The following MLPH variants were observed in gnomAD, a reference collection of about 807,000 sequenced individuals.
The protein encoded by MLPH is exophilin-3.
In MLPH, 51 loss-of-function variants were observed where a neutral mutation model predicts 72.1. That is an observed-to-expected ratio of 0.71 (90% CI 0.56 to 0.89). MLPH has a LOEUF of 0.89. Among genes scored for constraint, MLPH ranks in the 40% least tolerant of loss-of-function variants. The pLI is 0.00. For missense variants in MLPH, 743 were observed against 759.9 expected, an observed-to-expected ratio of 0.98 and a Z score of 0.26; for synonymous variants, 301 against 310.1, an observed-to-expected ratio of 0.97 and a Z score of 0.31.
At chr2:237,516,226 G>A (rs1007647638) in intron 4 of MLPH, among the ~76,000 whole-genome samples, 19 of 152,352 alleles carry the variant, frequency 1.2e-4, no homozygotes, top group Middle Eastern at 3.4e-3. Flanking sequence ...GATGGTCCAC[G>A]GGGCCTGCTG....
intron 9 of MLPH, among the ~76,000 whole-genome samples, chr2:237,538,882 CA>C (rs2080598974): frequency 2.0e-5 from 3 of 152,206 alleles, no homozygotes; most frequent in Admixed American, 2.0e-4. Context: ...ACATTTCAAA[CA>C]GGACAGTCAG....
chr2:237,530,020 G>A (rs1293263925), intron 8 of MLPH, among the ~76,000 whole-genome samples: 2 of 152,252 alleles, frequency 1.3e-5, no homozygotes, highest in Non-Finnish European at 2.9e-5. Flanking sequence ...TCAAGGGGCA[G>A]GCGAGGTGGG....
chr2:237,508,466 C>T (rs1284207868), intron 2 of MLPH, among the ~76,000 whole-genome samples: 2 of 152,154 alleles, frequency 1.3e-5, no homozygotes, highest in Non-Finnish European at 2.9e-5. Flanking sequence ...GGCCCACTGC[C>T]CTGACTCGTG....
chr2:237,507,062 CTT>C (rs61091364), intron 2 of MLPH, among the ~76,000 whole-genome samples: 33 of 94,526 alleles, frequency 3.5e-4, no homozygotes, highest in African/African-American at 1.1e-3. Flanking sequence ...TTTTTTTTTT[CTT>C]TTTTTTTTTT....
At position 237,541,880 on chromosome 2, in the gene MLPH, C is replaced by T. The variant is rs1013380305; in HGVS notation, c.1447-687C>T. On this transcript the variant is annotated intron_variant, in intron 11 of 15. Coordinates refer to ENST00000264605, the MANE Select transcript of MLPH (RefSeq NM_024101.7). The surrounding 1 kb of genome is among the most constrained non-coding windows in gnomAD (Gnocchi z 5.1). ...TCGGGGCAGGGCGATTGAGATAAGG[C>T]AGTCAGGAGGGATACTAGGAAAGTA... 1.3e-5 allele frequency among the ~76,000 whole-genome samples: 2 copies of T among 152,214 alleles called. No homozygotes were observed. Among genetic ancestry groups the T allele is most frequent in the Admixed American group, 1.3e-4 (2 of 15,286 alleles).
intron 4 of MLPH, among the ~76,000 whole-genome samples, chr2:237,516,937 A>ATGGATGGATGGATGGATGGATGGATAGG (rs2080041294): frequency 1.4e-5 from 2 of 145,278 alleles, no homozygotes; most frequent in African/African-American, 5.5e-5. Context: ...GGATGGATGG[A>ATGGATGGATGGATGGATGGATGGATAGG]TGGATAGGTG....
At chr2:237,511,266 GCTT>G in intron 4 of MLPH, 165 bp downstream of exon 4, 1 of 530,330 alleles carries the variant, frequency 1.9e-6, no homozygotes, top group Non-Finnish European at 3.2e-6. Context: ...GCTTCTGGCT[GCTT>G]TTTTTTTTTT....
intron 5 of MLPH, among the ~76,000 whole-genome samples, chr2:237,519,027 G>A (rs943893876): frequency 1.8e-4 from 27 of 152,300 alleles, no homozygotes; most frequent in Admixed American, 5.2e-4. Flanking sequence ...TCAGAGAAGT[G>A]GACCCCTCAG....
chr2:237,525,617 C>A lies in MLPH; in HGVS notation c.692C>A (p.Ser231Tyr). The A allele has an allele frequency of 6.2e-7, 1 of 1,614,104 alleles. No homozygotes were observed. The highest frequency in any genetic ancestry group is 8.5e-7 in the Non-Finnish European group (1 of 1,180,028). The change falls in exon 7 of 16, where the codon TCC becomes TAC. Residue 231 changes from serine to tyrosine, a missense_variant. Coordinates refer to ENST00000264605, the MANE Select transcript of MLPH (RefSeq NM_024101.7). ...RDSPQSLTDE[S>Y]CSEKAAPHKA... ...TGTGCTTAGTCCCTCACAGATGAGT[C>A]CTGCTCAGAGAAGGCAGCCCCTCAC...
chr2:237,490,088 T>G (rs1037714148), intron 1 of MLPH, among the ~76,000 whole-genome samples: 3 of 152,118 alleles, frequency 2.0e-5, no homozygotes, highest in African/African-American at 7.2e-5. Context: ...TGAGCAGGCG[T>G]TATCTAAACA....
chr2:237,547,862 G>A (rs1417614358), intron 13 of MLPH, among the ~76,000 whole-genome samples: 1 of 152,044 alleles, frequency 6.6e-6, no homozygotes, highest in African/African-American at 2.4e-5. Flanking sequence ...CCGTGTTCAG[G>A]TGGAGTGGTT....
Position 237,552,132 on chromosome 2 carries a change from A to G in MLPH, c.1676-205A>G, listed in dbSNP as rs75288463. The stretch of plus-strand genomic sequence containing the variant: ...AGAATGTTAATGCCAGTGCCAGAGC[A>G]AAGGAGAAAGAAGTTGGCAAAACTG... On this transcript the variant is annotated intron_variant, in intron 14 of 15. Coordinates refer to ENST00000264605, the MANE Select transcript of MLPH (RefSeq NM_024101.7). 464 of 547,316 alleles carry G rather than the reference A, an allele frequency of 8.5e-4. 2 individuals carry two copies. Among genetic ancestry groups the G allele is most frequent in the African/African-American group, 7.4e-3 (393 of 52,918 alleles). The allele number at this position is 547,316 out of a possible 1,614,324, so 33.9% of individuals were successfully genotyped here. A position where few individuals can be genotyped will look rare whatever the true frequency, so the allele number is the denominator to read the frequency against.
chr2:237,526,642 G>T (rs1259137414), intron 7 of MLPH, among the ~76,000 whole-genome samples: 1 of 152,204 alleles, frequency 6.6e-6, no homozygotes, highest in Non-Finnish European at 1.5e-5. Context: ...CAGTCTGGGG[G>T]AGAGGCCATC....
intron 1 of MLPH, among the ~76,000 whole-genome samples, chr2:237,489,988 G>A (rs988725754): frequency 6.6e-6 from 1 of 152,194 alleles, no homozygotes; most frequent in African/African-American, 2.4e-5. Flanking sequence ...CAACTGCTGG[G>A]GAAGGCTGGC....
intron 2 of MLPH, among the ~76,000 whole-genome samples, chr2:237,495,353 T>C (rs912267126): frequency 6.6e-6 from 1 of 152,168 alleles, no homozygotes; most frequent in African/African-American, 2.4e-5. Flanking sequence ...GACTAGAACA[T>C]GAATGCCTTG....
intron 4 of MLPH, among the ~76,000 whole-genome samples, chr2:237,517,729 GTGGA>G (rs58864368): frequency 0.034 from 4,542 of 135,010 alleles, 156 homozygotes; most frequent in African/African-American, 0.093. Context: ...AAGTAAGTGG[GTGGA>G]TGGATGGATG....
In MLPH at chr2:237,527,454, CG is replaced by C; in HGVS notation, c.961del (p.Ala321LeufsTer3). The C allele has an allele frequency of 6.2e-7, 1 of 1,614,180 alleles. No individual in the cohort carries two copies. On this transcript the variant is annotated frameshift_variant, in exon 8 of 16. Coordinates refer to ENST00000264605, the MANE Select transcript of MLPH (RefSeq NM_024101.7). LOFTEE classifies it high-confidence loss of function. ...DVDTSDEESI[R>X]AHVMASHHSK... is the part of the protein sequence containing the mutation. ...GGACACCTCTGATGAGGAAAGCATC[CG>C]GGCTCACGTGATGGCCTCCCACCAT... is the stretch of plus-strand genomic sequence containing the variant.
intron 10 of MLPH, 78 bp from the exon 11 acceptor site, chr2:237,540,724 A>G (rs1217550152): frequency 6.3e-7 from 1 of 1,575,520 alleles, no homozygotes; most frequent in Non-Finnish European, 8.6e-7. Flanking sequence ...GGAGAGCAAT[A>G]TCGTGGTGAG....
At chr2:237,538,596 G>A (rs1194482365) in intron 9 of MLPH, among the ~76,000 whole-genome samples, 1 of 152,234 alleles carries the variant, frequency 6.6e-6, no homozygotes, top group African/African-American at 2.4e-5. Flanking sequence ...CGCTGAGGGG[G>A]TCTCAGAGAA....
Sources: allele counts gnomAD v4.1 joint callset (sites outside exome capture counted in the v4.1 genomes callset), GRCh38; gene constraint gnomAD v4.1.1; non-coding constraint Gnocchi (gnomAD v3.1); transcripts MANE v1.5; gene names NCBI Gene and HGNC (gene_info 2026-07-23, HGNC 2026-07-21).